Variants in NRG1 observed in about 807,000 individuals in gnomAD.
NRG1 encodes the protein pro-neuregulin-1, membrane-bound isoform.
Under a neutral mutation model 63.8 loss-of-function variants are expected in NRG1, and 18 were observed. The ratio of observed to expected loss-of-function variants is 0.28; its 90% CI spans 0.19 to 0.42. The LOEUF (loss-of-function observed/expected upper bound fraction) is 0.42, where lower values mean the gene tolerates loss of function less well. Ranked by LOEUF, NRG1 falls within the 10% of genes least tolerant of loss-of-function variation. NRG1 has a pLI of 1.00. For synonymous variants in NRG1, 302 were observed against 301.3 expected, an observed-to-expected ratio of 1.00 and a Z score of -0.02; for missense variants, 762 against 814.7, an observed-to-expected ratio of 0.94 and a Z score of 0.79.
chr8:32,741,718 A>C (rs1274027519), intron 6 of NRG1, among the ~76,000 whole-genome samples: 1 of 152,170 alleles, frequency 6.6e-6, no homozygotes, highest in Non-Finnish European at 1.5e-5. Flanking sequence ...GCCAAAGGGA[A>C]ATTGACAGCT....
At chr8:32,452,267 A>G (rs372498259) in intron 1 of NRG1, among the ~76,000 whole-genome samples, 1 of 152,332 alleles carries the variant, frequency 6.6e-6, no homozygotes, top group South Asian at 2.1e-4. Context: ...CTGGTAATAA[A>G]AAGTGGGCTT....
intron 1 of NRG1, among the ~76,000 whole-genome samples, chr8:32,343,762 G>A (rs533994092): frequency 6.6e-6 from 1 of 152,250 alleles, no homozygotes; most frequent in East Asian, 1.9e-4. Flanking sequence ...AGAAAAAATT[G>A]TTTAGCACCT....
At chr8:32,495,327 T>C (rs1014676195) in intron 1 of NRG1, among the ~76,000 whole-genome samples, 1 of 152,232 alleles carries the variant, frequency 6.6e-6, no homozygotes, top group East Asian at 1.9e-4. Flanking sequence ...CATGCTGTCT[T>C]GCCTGCCACC....
rs536844972 is a variant in NRG1 at position 32,469,526 on chromosome 8, T to C, written c.38-126302T>C. ...GTCCAACTGAAGGGGCTCCAGTCAC[T>C]ACCCCATCATCTCAGTGGTGAGATG... is the stretch of plus-strand genomic sequence containing the variant. On this transcript the variant is annotated intron_variant, in intron 1 of 10. Transcript: ENST00000519301. Among the ~76,000 whole-genome samples the C allele has an allele frequency of 4.6e-5, 7 of 152,306 alleles. No homozygotes were observed. The South Asian group carries it at 8.3e-4, about 18-fold the overall frequency.
intron 1 of NRG1, among the ~76,000 whole-genome samples, chr8:31,927,855 A>T (rs183338348): frequency 0.027 from 4,121 of 150,338 alleles, 136 homozygotes; most frequent in African/African-American, 0.077. Flanking sequence ...TTCTTTTTTT[A>T]AAAAATTTTA....
intron 1 of NRG1, among the ~76,000 whole-genome samples, chr8:32,199,942 A>G (rs113937493): frequency 0.013 from 2,035 of 152,042 alleles, 53 homozygotes; most frequent in African/African-American, 0.046. Flanking sequence ...ATCATGCCCA[A>G]CTAATTTTGT....
At chr8:32,034,062 T>C (rs1040973718) in intron 1 of NRG1, among the ~76,000 whole-genome samples, 10 of 152,230 alleles carry the variant, frequency 6.6e-5, no homozygotes, top group African/African-American at 2.4e-4. Flanking sequence ...CTTTTGCCTA[T>C]TCAGTATGAT....
chr8:31,672,393 G>T lies in NRG1; in HGVS notation c.37+32962G>T, dbSNP rs553268074. On this transcript the variant is annotated intron_variant, in intron 1 of 10. Transcript: ENST00000519301. ...CATATTCATTTAACAAAGATGGAATGCAGATAGTTTCACCGAAGCCATGAG... is the reference window on the plus strand; with the variant it reads ...CATATTCATTTAACAAAGATGGAATTCAGATAGTTTCACCGAAGCCATGAG... Among the ~76,000 whole-genome samples, 4 of 152,234 alleles carry T rather than the reference G, an allele frequency of 2.6e-5. No homozygotes were observed. In the East Asian group the frequency reaches 5.8e-4, roughly 22 times the overall value.
intron 1 of NRG1, among the ~76,000 whole-genome samples, chr8:31,662,955 C>T (rs1294702241): frequency 1.3e-5 from 2 of 152,176 alleles, no homozygotes; most frequent in Non-Finnish European, 2.9e-5. Flanking sequence ...TGGGGCCCTT[C>T]TCTCCATGCC....
chr8:32,165,132 T>C (rs73232246), intron 1 of NRG1, among the ~76,000 whole-genome samples: 8,920 of 151,936 alleles, frequency 0.059, 277 homozygotes, highest in African/African-American at 0.07. Context: ...ATGTAAGATA[T>C]TGCCCTTATT....
chr8:32,209,988 T>A (rs1844525277), intron 1 of NRG1, among the ~76,000 whole-genome samples: 1 of 152,160 alleles, frequency 6.6e-6, no homozygotes. Context: ...AGGGATGATT[T>A]TTTAGTTCTT....
chr8:32,502,560 T>C (rs1310264623), intron 1 of NRG1, among the ~76,000 whole-genome samples: 1 of 150,556 alleles, frequency 6.6e-6, no homozygotes, highest in African/African-American at 2.4e-5. Context: ...TCTCTCTCTT[T>C]CACTGACCTT....
At chr8:32,030,830 A>G (rs182225422) in intron 1 of NRG1, among the ~76,000 whole-genome samples, 21 of 152,336 alleles carry the variant, frequency 1.4e-4, no homozygotes, top group Non-Finnish European at 2.8e-4. Context: ...AAATGCTGAG[A>G]GCTTCCCTCC....
At chr8:31,839,054 T>C (rs146021550) in intron 1 of NRG1, among the ~76,000 whole-genome samples, 183 of 152,352 alleles carry the variant, frequency 1.2e-3, no homozygotes, top group African/African-American at 4.0e-3. Flanking sequence ...TATATGTTTT[T>C]AATCAAGAAT....
rs1190785095 is a variant in NRG1, at chr8:32,530,782, G to A, written c.38-65046G>A. The stretch of plus-strand genomic sequence containing the variant: ...CCTATTAATAATAATTGGGTATTCG[G>A]GGCTTAAAAGTTGTATTTGAAAGAT... On this transcript the variant is annotated intron_variant, in intron 1 of 10. Transcript: ENST00000519301. 3.3e-5 allele frequency among the ~76,000 whole-genome samples: 5 copies of A among 152,046 alleles called. No homozygotes were observed. The East Asian group carries it at 9.7e-4, about 29-fold the overall frequency.
At chr8:32,282,700 T>G (rs1002137039) in intron 1 of NRG1, among the ~76,000 whole-genome samples, 3 of 152,198 alleles carry the variant, frequency 2.0e-5, no homozygotes, top group Non-Finnish European at 1.5e-5. Context: ...CTTCAACAGG[T>G]TGCTTAACCC....
intron 1 of NRG1, among the ~76,000 whole-genome samples, chr8:32,484,154 A>C (rs1216485964): frequency 6.6e-6 from 1 of 152,038 alleles, no homozygotes; most frequent in Non-Finnish European, 1.5e-5. Flanking sequence ...AGGGAAAGTC[A>C]TTTGAGGTTT....
At chr8:31,703,580 T>A (rs905122851) in intron 1 of NRG1, among the ~76,000 whole-genome samples, 11 of 152,218 alleles carry the variant, frequency 7.2e-5, no homozygotes, top group Non-Finnish European at 1.5e-4. Context: ...GTTACAAATG[T>A]CTTGCTTAAA....
At chr8:32,747,473 C>A (rs1305970283) in intron 7 of NRG1, among the ~76,000 whole-genome samples, 1 of 151,932 alleles carries the variant, frequency 6.6e-6, no homozygotes, top group Non-Finnish European at 1.5e-5. Flanking sequence ...AAAAAAATGA[C>A]CAATTTTTGA....
Sources: gnomAD v4.1 joint callset for allele counts (sites outside exome capture counted in the v4.1 genomes callset) on GRCh38, gnomAD v4.1.1 for gene constraint, MANE v1.5 for transcripts, NCBI Gene and HGNC (gene_info 2026-07-23, HGNC 2026-07-21) for gene names.